COG6: variants seen among roughly 807,000 people sequenced by gnomAD.
COG6 encodes the protein component of oligomeric golgi complex 6.
COG6 carries 74 observed loss-of-function variants against 88.8 expected under a neutral mutation model. That is an observed-to-expected ratio of 0.83 (90% CI 0.69 to 1.01). The LOEUF (loss-of-function observed/expected upper bound fraction) is 1.01, where lower values mean the gene tolerates loss of function less well. Among genes scored for constraint, COG6 ranks in the 50% least tolerant of loss-of-function variants. The pLI is 0.00. For missense variants in COG6, 800 were observed against 797.9 expected (o/e 1.00, Z -0.03); for synonymous variants, 286 against 278.7 (o/e 1.03, Z -0.26).
chr13:39,707,877 A>G lies in COG6; in HGVS notation c.1284+8259A>G, dbSNP rs573814109. 2.0e-5 allele frequency among the ~76,000 whole-genome samples: 3 copies of G among 152,312 alleles called. No homozygotes were observed. The East Asian group carries it at 5.8e-4, about 29-fold the overall frequency. On this transcript the variant is annotated intron_variant, in intron 13 of 18. Transcript: ENST00000455146. ...TAGTCTTATACATGTGTTGGTGGACATAAGTTTTTATTTCTCTTGTATGTA... is the reference window on the plus strand; with the variant it reads ...TAGTCTTATACATGTGTTGGTGGACGTAAGTTTTTATTTCTCTTGTATGTA...
chr13:39,686,396 C>T (rs1876640710), intron 8 of COG6, among the ~76,000 whole-genome samples: 1 of 152,162 alleles, frequency 6.6e-6, no homozygotes, highest in South Asian at 2.1e-4. Context: ...CAGAGAGCTC[C>T]AGGCCATTTT....
At chr13:39,743,137 C>G (rs1880138956) in intron 18 of COG6, among the ~76,000 whole-genome samples, 1 of 152,020 alleles carries the variant, frequency 6.6e-6, no homozygotes, top group South Asian at 2.1e-4. Context: ...ACTAAATGCC[C>G]AAAAGAGAAA....
At chr13:39,722,269 A>G (rs2138081057) in intron 15 of COG6, among the ~76,000 whole-genome samples, 1 of 151,896 alleles carries the variant, frequency 6.6e-6, no homozygotes, top group South Asian at 2.1e-4. Flanking sequence ...TAGTAAATCC[A>G]GCAAGTAAGG....
rs1480465472 is a variant in COG6, at chr13:39,751,680, T to C, written c.*587T>C. The stretch of plus-strand genomic sequence containing the variant: ...ATCTCCTTTCTGTTCTACTTTAGCA[T>C]ACTATATATATTTGACTGTGTACAT... On this transcript the variant is annotated 3_prime_UTR_variant, in exon 19 of 19. Transcript: ENST00000455146. 1.6e-6 allele frequency: 2 copies of C among 1,286,904 alleles called. No homozygotes were observed. The highest frequency in any genetic ancestry group is 2.0e-6 in the Non-Finnish European group (2 of 988,448). 79.7% of individuals were successfully genotyped at this position (1,286,904 alleles called of 1,614,324 possible). A position where few individuals can be genotyped will look rare whatever the true frequency, so the allele number is the denominator to read the frequency against.
chr13:39,683,065 G>A (rs1026557297), intron 8 of COG6, among the ~76,000 whole-genome samples: 2 of 152,036 alleles, frequency 1.3e-5, no homozygotes, highest in Non-Finnish European at 2.9e-5. Context: ...CTATCATCAG[G>A]TCACAGAACA....
At chr13:39,731,390 G>A (rs984636988) in intron 18 of COG6, among the ~76,000 whole-genome samples, 1 of 152,146 alleles carries the variant, frequency 6.6e-6, no homozygotes, top group Non-Finnish European at 1.5e-5. Context: ...AAAGAAAATG[G>A]TTTTAAAGAA....
chr13:39,777,292 T>C (rs181806018), intron 18 of COG6, among the ~76,000 whole-genome samples: 1 of 152,010 alleles, frequency 6.6e-6, no homozygotes, highest in Admixed American at 6.5e-5. Context: ...ACTCCAGCAG[T>C]GAAGAGCAAG....
chr13:39,665,241 A>G, intron 4 of COG6, 87 bp downstream of exon 4: 1 of 756,018 alleles, frequency 1.3e-6, no homozygotes, highest in Non-Finnish European at 2.4e-6. Context: ...TCAGAATTAA[A>G]GCAGAATAAT....
chr13:39,660,771 T>C (rs771967570), intron 2 of COG6, 39 bp from the exon 3 acceptor site: 1 of 1,244,598 alleles, frequency 8.0e-7, no homozygotes, highest in Non-Finnish European at 1.2e-6. Context: ...TTCTTCTTGC[T>C]GTATATATGA....
intron 13 of COG6, among the ~76,000 whole-genome samples, chr13:39,711,984 C>A (rs532841581): frequency 2.6e-5 from 4 of 152,112 alleles, no homozygotes; most frequent in African/African-American, 7.2e-5. Flanking sequence ...TTCAGCCTCC[C>A]GAGTGGCTAC....
chr13:39,723,121 C>T (rs1400347596), intron 15 of COG6, among the ~76,000 whole-genome samples: 2 of 152,044 alleles, frequency 1.3e-5, no homozygotes, highest in African/African-American at 4.8e-5. Context: ...AATTTTGTGA[C>T]TGGAGGATAG....
At chr13:39,672,037 T>C (rs889626235) in intron 4 of COG6, among the ~76,000 whole-genome samples, 5 of 152,100 alleles carry the variant, frequency 3.3e-5, no homozygotes, top group Admixed American at 2.0e-4. Context: ...TGAATATGTC[T>C]ACATGGTTAC....
Position 39,773,110 on chromosome 13 carries a change from C to T in COG6, c.1827-15225C>T, listed in dbSNP as rs1881365088. ...GCAAGATCAAAGCCATTTCTATCCA[C>T]CCCCACTCCTCTTACCTCTCCACCT... On this transcript the variant is annotated intron_variant, in intron 18 of 18. Transcript: ENST00000416691. Among the ~76,000 whole-genome samples the T allele has an allele frequency of 2.6e-5, 4 of 152,328 alleles. No individual in the cohort carries two copies. In the East Asian group the frequency reaches 5.8e-4, roughly 22 times the overall value.
chr13:39,751,011 T>G lies in COG6; in HGVS notation c.1892T>G (p.Val631Gly). The change falls in exon 19 of 19, where the codon GTG becomes GGG. Residue 631 changes from valine to glycine, a missense_variant. Coordinates refer to ENST00000455146, the MANE Select transcript of COG6 (RefSeq NM_020751.3). ...GCCTATGGTGAAGTGTATGCAGCCG[T>G]GATGAATCCAATCAATGAATACAAA... ...CRAYGEVYAA[V>G]MNPINEYKDP... 6.2e-7 allele frequency: 1 copy of G among 1,613,688 alleles called. No homozygotes were observed. The highest frequency in any genetic ancestry group is 1.1e-5 in the South Asian group (1 of 91,070).
chr13:39,760,650 C>T (rs929916171), intron 18 of COG6, among the ~76,000 whole-genome samples: 2 of 152,070 alleles, frequency 1.3e-5, no homozygotes, highest in African/African-American at 4.8e-5. Flanking sequence ...AAACACACTA[C>T]TATGATTTAC....
intron 13 of COG6, among the ~76,000 whole-genome samples, chr13:39,700,858 A>C (rs1417101913): frequency 3.3e-5 from 5 of 151,874 alleles, no homozygotes; most frequent in Admixed American, 3.3e-4. Context: ...CCATAGAGAG[A>C]TGTAATGGAG....
intron 13 of COG6, among the ~76,000 whole-genome samples, chr13:39,708,241 T>C (rs1040936154): frequency 2.6e-5 from 4 of 152,226 alleles, no homozygotes; most frequent in Non-Finnish European, 5.9e-5. Context: ...CTTTTTCTTA[T>C]TGACTTATAA....
intron 18 of COG6, among the ~76,000 whole-genome samples, chr13:39,760,143 A>T (rs1439193905): frequency 3.9e-5 from 6 of 152,316 alleles, no homozygotes; most frequent in Admixed American, 3.3e-4. Context: ...GCAAGCCAGC[A>T]TCAAAAATTG....
chr13:39,659,174 A>G (rs1874727444), intron 1 of COG6, among the ~76,000 whole-genome samples, 190 bp from the exon 2 acceptor site: 1 of 152,320 alleles, frequency 6.6e-6, no homozygotes, highest in African/African-American at 2.4e-5. Flanking sequence ...ATAACACTAT[A>G]CACAAGTAAG....
Sources: allele counts gnomAD v4.1 joint callset (sites outside exome capture counted in the v4.1 genomes callset), GRCh38; gene constraint gnomAD v4.1.1; transcripts MANE v1.5; gene names NCBI Gene and HGNC (gene_info 2026-07-23, HGNC 2026-07-21).